The following KMT2C variants were observed in gnomAD, a reference collection of about 807,000 sequenced individuals.
KMT2C encodes the protein histone-lysine N-methyltransferase 2C.
In KMT2C, 88 loss-of-function variants were observed where a neutral mutation model predicts 507.9. The observed-to-expected ratio is 0.17, with a 90% CI of 0.15 to 0.21. The LOEUF (loss-of-function observed/expected upper bound fraction) is 0.21. KMT2C is among the 10% of genes least tolerant of loss of function. KMT2C has a pLI of 1.00. For missense variants in KMT2C, 4,954 were observed against 5,957.8 expected, an observed-to-expected ratio of 0.83 and a Z score of 5.55; for synonymous variants, 2,049 against 2,080.8, an observed-to-expected ratio of 0.98 and a Z score of 0.42.
intron 1 of KMT2C, among the ~76,000 whole-genome samples, chr7:152,424,591 T>G (rs1466173799): frequency 6.6e-6 from 1 of 152,042 alleles, no homozygotes; most frequent in Non-Finnish European, 1.5e-5. Flanking sequence ...CTCAGCTAAT[T>G]TCTGTATTTT....
chr7:152,260,992 A>G (rs1457589514), intron 9 of KMT2C, among the ~76,000 whole-genome samples: 1 of 152,250 alleles, frequency 6.6e-6, no homozygotes, highest in Non-Finnish European at 1.5e-5. Flanking sequence ...TGCAGGAAGT[A>G]AAAGAAGAGA....
intron 6 of KMT2C, among the ~76,000 whole-genome samples, chr7:152,293,236 G>A (rs1447883741): frequency 3.3e-5 from 5 of 152,148 alleles, no homozygotes; most frequent in African/African-American, 9.7e-5. Flanking sequence ...TCAATAAATG[G>A]TGTAGTAACA....
At chr7:152,314,565 T>C (rs987152459) in intron 4 of KMT2C, among the ~76,000 whole-genome samples, 3 of 127,620 alleles carry the variant, frequency 2.4e-5, no homozygotes, top group African/African-American at 8.7e-5. Flanking sequence ...AAGCATCTTC[T>C]GGGAGGGAAG....
Position 152,148,763 on chromosome 7 carries a change from A to G in KMT2C, c.13164T>C (p.Thr4388=), listed in dbSNP as rs2091368029. The change falls in exon 52 of 59, where the codon ACT becomes ACC. Residue 4388 remains threonine, a synonymous_variant. Transcript: ENST00000262189. This position sits in a 1 kb window ranked among gnomAD's most constrained non-coding sequence, Gnocchi z 7.1. ...EIDEFLKKLG[T]SLKPDPVPKD... is the part of the protein sequence containing the mutation. The stretch of plus-strand genomic sequence containing the variant: ...TGGGCACAGGATCAGGTTTAAGGGA[A>G]GTGCCCAATTTCTTTAGAAATTCAT... 1 of 1,614,238 alleles carries G rather than the reference A, an allele frequency of 6.2e-7. No individual in the cohort carries two copies. The highest frequency in any genetic ancestry group is 8.5e-7 in the Non-Finnish European group (1 of 1,180,036).
At chr7:152,250,006 T>A in intron 12 of KMT2C, 53 bp from the exon 13 acceptor site, 1 of 1,040,210 alleles carries the variant, frequency 9.6e-7, no homozygotes, top group Non-Finnish European at 1.5e-6. Flanking sequence ...TCTGTAACAC[T>A]GTTCCCTCAA....
In KMT2C at chr7:152,290,276, A is replaced by G. The variant is rs1588948850; in HGVS notation, c.850-16409T>C. ...TGTATGTGTATATATATATATATAT[A>G]TATATATATATATATATATTTTTTT... is the stretch of plus-strand genomic sequence containing the variant. On this transcript the variant is annotated intron_variant, in intron 6 of 58. Transcript: ENST00000262189. 1.4e-3 allele frequency among the ~76,000 whole-genome samples: 39 copies of G among 27,242 alleles called. 3 individuals are homozygous for G. The highest frequency in any genetic ancestry group is 6.7e-3 in the African/African-American group (37 of 5,554). The allele number at this position is 27,242 out of a possible 152,430, so 17.9% of individuals were successfully genotyped here.
intron 43 of KMT2C, among the ~76,000 whole-genome samples, chr7:152,161,436 A>G (rs991967516): frequency 3.3e-5 from 5 of 152,238 alleles, no homozygotes; most frequent in African/African-American, 1.2e-4. Context: ...AACAGGCAAG[A>G]GCTATTAAGC....
At position 152,162,194 on chromosome 7, in the gene KMT2C, C is replaced by G; in HGVS notation, c.11383G>C (p.Glu3795Gln). ...KSSSLLNQKP[E>Q]GSICSEDDCT... Reference sequence around the variant, plus strand: ...TCATCTTCTGAACAAATACTGCCCTCAGGTTTTTGATTCAAAAGAGAAGAT... The same window carrying G: ...TCATCTTCTGAACAAATACTGCCCTGAGGTTTTTGATTCAAAAGAGAAGAT... Residue 3795 changes from glutamate to glutamine, a missense_variant, in exon 43 of 59, where the codon GAG becomes CAG. Physicochemically the swap from Glu to Gln is conservative, Grantham distance 29. This residue lies in a region of KMT2C where 801 missense variants were observed against 751.2 expected (regional missense o/e 1.07). Coordinates refer to ENST00000262189, the MANE Select transcript of KMT2C (RefSeq NM_170606.3). 1 of 1,613,462 alleles carries G rather than the reference C, an allele frequency of 6.2e-7. No individual in the cohort carries two copies.
At chr7:152,204,632 T>TAGACAGAC (rs1193694001) in intron 25 of KMT2C, among the ~76,000 whole-genome samples, 2 of 136,170 alleles carry the variant, frequency 1.5e-5, no homozygotes, top group South Asian at 4.5e-4. Context: ...GATAGATAGA[T>TAGACAGAC]AGATAGACAG....
chr7:152,408,633 T>A (rs1401497118), intron 1 of KMT2C, among the ~76,000 whole-genome samples: 1 of 152,104 alleles, frequency 6.6e-6, no homozygotes, highest in African/African-American at 2.4e-5. Flanking sequence ...CTAGGCTGCA[T>A]GCTTCTTATG....
At chr7:152,212,100 C>A (rs2129141090) in intron 23 of KMT2C, among the ~76,000 whole-genome samples, 1 of 152,084 alleles carries the variant, frequency 6.6e-6, no homozygotes, top group South Asian at 2.1e-4. Flanking sequence ...GAAAGAAAGA[C>A]AGACAGAAAG....
chr7:152,163,442 G>A lies in KMT2C; in HGVS notation c.10135C>T (p.Pro3379Ser). The change falls in exon 43 of 59, where the codon CCA (proline) becomes TCA (serine). Residue 3379 changes from proline (P) to serine (S), a missense_variant. Transcript: ENST00000262189. ...TCATCAAATTCTACCCGAGGTGGTG[G>A]TCCACTCTGTGGATTTGCATTTGAG... Reference protein sequence around the residue: ...TVSNANPQSGPPPRVEFDDNN... With the variant: ...TVSNANPQSGSPPRVEFDDNN... 1 of 1,614,194 alleles carries A rather than the reference G, an allele frequency of 6.2e-7. No homozygotes were observed. The highest frequency in any genetic ancestry group is 1.3e-5 in the African/African-American group (1 of 75,046).
intron 1 of KMT2C, among the ~76,000 whole-genome samples, chr7:152,432,660 T>C (rs1250342707): frequency 6.6e-6 from 1 of 152,206 alleles, no homozygotes; most frequent in African/African-American, 2.4e-5. Flanking sequence ...TTATAGTTAA[T>C]GTAAAAGCAG....
chr7:152,176,547 A>G lies in KMT2C; in HGVS notation c.8906T>C (p.Met2969Thr), dbSNP rs1587944085. Residue 2969 changes from methionine (M) to threonine (T), a missense_variant, in exon 38 of 59, where the codon ATG becomes ACG. Transcript: ENST00000262189. ...APPGRVLDNA[M>T]NSNVTVVSRV... is the part of the protein sequence containing the mutation. Reference sequence around the variant, plus strand: ...AGAGACTACTGTCACATTAGAATTCATGGCATTATCCAAAACACGGCCAGG... The same window carrying G: ...AGAGACTACTGTCACATTAGAATTCGTGGCATTATCCAAAACACGGCCAGG... The G allele has an allele frequency of 2.5e-6, 4 of 1,614,188 alleles. No homozygotes were observed. Among genetic ancestry groups the G allele is most frequent in the South Asian group, 1.1e-5 (1 of 91,084 alleles).
At chr7:152,362,892 T>C (rs761947315) in intron 1 of KMT2C, among the ~76,000 whole-genome samples, 3 of 152,266 alleles carry the variant, frequency 2.0e-5, no homozygotes, top group African/African-American at 4.8e-5. Context: ...TAGGAAGACA[T>C]GCTTTTTACG....
At chr7:152,421,740 GGAGGCTGGGAGGAAGTT>G (rs1180032845) in intron 1 of KMT2C, among the ~76,000 whole-genome samples, 1 of 152,170 alleles carries the variant, frequency 6.6e-6, no homozygotes, top group East Asian at 1.9e-4. Context: ...ACTCGAGGGT[GGAGGCTGGGAGGAAGTT>G]GAGGATCCAA....
chr7:152,181,407 T>C lies in KMT2C; in HGVS notation c.6453A>G (p.Thr2151=). The C allele has an allele frequency of 1.2e-6, 2 of 1,614,038 alleles. No individual in the cohort carries two copies. Among genetic ancestry groups the C allele is most frequent in the Non-Finnish European group, 1.7e-6 (2 of 1,179,992 alleles). The change falls in exon 36 of 59, where the codon ACA becomes ACG. Residue 2151 remains threonine, a synonymous_variant. Transcript: ENST00000262189. ...VVDSYSQSSG[T]ARSNTDPYSQ... ...AGTAAGGGTCTGTATTGGACCTAGC[T>C]GTTCCTGAAGATTGGGAATAAGAAT...
intron 1 of KMT2C, among the ~76,000 whole-genome samples, chr7:152,427,968 T>C (rs2097835702): frequency 1.3e-5 from 2 of 152,138 alleles, no homozygotes; most frequent in South Asian, 2.1e-4. Flanking sequence ...ACTACAACTA[T>C]TGTAACAGCC....
At position 152,187,856 on chromosome 7, in the gene KMT2C, A is replaced by G. The variant is rs2093671649; in HGVS notation, c.4661-9T>C. ...CATCCGTGAAAAAGCATCTTCAGAG[A>G]AAAAAATAATTCCGTTGGCATGATA... On this transcript the variant is annotated splice_polypyrimidine_tract_variant and intron_variant, in intron 31 of 58. Transcript: ENST00000262189. 1 of 1,612,174 alleles carries G rather than the reference A, an allele frequency of 6.2e-7. No individual in the cohort carries two copies.
Sources: gnomAD v4.1 joint callset for allele counts (sites outside exome capture counted in the v4.1 genomes callset) on GRCh38, gnomAD v4.1.1 for gene constraint, gnomAD v4.1.1 regional missense constraint, Gnocchi (gnomAD v3.1) non-coding constraint, MANE v1.5 for transcripts, NCBI Gene and HGNC (gene_info 2026-07-23, HGNC 2026-07-21) for gene names.